The following DMD variants were observed in gnomAD, a reference collection of about 807,000 sequenced individuals.
DMD encodes the protein mutant dystrophin.
A neutral mutation model predicts 330.1 loss-of-function variants in DMD; 63 were observed. That is an observed-to-expected ratio of 0.19 (90% CI 0.16 to 0.24). The LOEUF is 0.24. DMD is among the 10% of genes least tolerant of loss of function. The pLI is 1.00. For missense variants in DMD, 3,344 were observed against 2,684.1 expected (o/e 1.25, Z -5.43); for synonymous variants, 1,223 against 959.8 (o/e 1.27, Z -5.07).
At chrX:32,909,105 T>C (rs187329522) in intron 2 of DMD, among the ~76,000 whole-genome samples, 2 of 102,294 alleles carry the variant, frequency 2.0e-5, no homozygotes, top group Non-Finnish European at 2.0e-5. Context: ...CCAAATAGGA[T>C]ATTGGCCCTT....
chrX:32,023,295 A>C (rs866645089), intron 44 of DMD, among the ~76,000 whole-genome samples: 4 of 110,945 alleles, frequency 3.6e-5, no homozygotes, highest in Non-Finnish European at 7.6e-5. Flanking sequence ...GGTATCTAAG[A>C]CCTGGGGGGT....
intron 62 of DMD, among the ~76,000 whole-genome samples, chrX:31,265,643 A>G (rs2050964405): frequency 9.0e-6 from 1 of 110,554 alleles, no homozygotes; most frequent in Non-Finnish European, 1.9e-5. Context: ...ACGGTGTTCA[A>G]GGGTCAGAGA....
At chrX:32,122,446 C>T (rs1290066645) in intron 44 of DMD, among the ~76,000 whole-genome samples, 1 of 112,050 alleles carries the variant, frequency 8.9e-6, no homozygotes, top group Non-Finnish European at 1.9e-5. Context: ...TCTTCACACA[C>T]AGACACTGAT....
At chrX:33,240,082 C>T (rs1324918638) in intron 1 of DMD, among the ~76,000 whole-genome samples, 3 of 111,032 alleles carry the variant, frequency 2.7e-5, no homozygotes, top group Non-Finnish European at 5.7e-5. Context: ...CACTTCAGGT[C>T]CCAAGCATTT....
chrX:32,512,775 G>A (rs1282768458), intron 18 of DMD, among the ~76,000 whole-genome samples: 1 of 112,079 alleles, frequency 8.9e-6, no homozygotes, highest in South Asian at 3.7e-4. Flanking sequence ...GAGAGACAGC[G>A]CATCACAGGG....
chrX:31,938,664 G>C (rs2094954530), intron 45 of DMD, among the ~76,000 whole-genome samples: 1 of 111,401 alleles, frequency 9.0e-6, no homozygotes, highest in African/African-American at 3.3e-5. Flanking sequence ...GCTGAATCTA[G>C]AGGTAATGTT....
intron 2 of DMD, among the ~76,000 whole-genome samples, chrX:32,992,375 G>A (rs931894422): frequency 7.2e-5 from 8 of 111,641 alleles, no homozygotes; most frequent in Non-Finnish European, 1.3e-4. Context: ...GAGTGGCCCA[G>A]ATTTGCTTGC....
chrX:31,831,647 G>T (rs1359833093), intron 49 of DMD, among the ~76,000 whole-genome samples: 1 of 111,237 alleles, frequency 9.0e-6, no homozygotes, highest in East Asian at 2.8e-4. Context: ...CACCCAGGCT[G>T]GAGTGCAGTG....
At chrX:32,821,448 G>A (rs971472079) in intron 5 of DMD, among the ~76,000 whole-genome samples, 7 of 69,485 alleles carry the variant, frequency 1.0e-4, no homozygotes, top group Non-Finnish European at 1.4e-4. Flanking sequence ...TTAGCCGGGC[G>A]TGGTGGGGGG....
At position 32,452,393 on chromosome X, in the gene DMD, GGGAAGGGAAA is replaced by G. The variant is rs1557364125; in HGVS notation, c.3603+2259_3603+2268del. 0.14 allele frequency among the ~76,000 whole-genome samples: 2,961 copies of G among 21,334 alleles called. 977 individuals carry two copies. The highest frequency in any genetic ancestry group is 0.32 in the East Asian group (152 of 473). The allele number at this position is 21,334 out of a possible 115,157, so 18.5% of individuals were successfully genotyped here. A position where few individuals can be genotyped will look rare whatever the true frequency, so the allele number is the denominator to read the frequency against. Reference sequence around the variant, plus strand: ...AGGGAAAGGGAAAGGGAAAGGGAAAGGGAAGGGAAAGGAAAGGGAAAGGGAAAGGGAAAGG... The same window carrying G: ...AGGGAAAGGGAAAGGGAAAGGGAAAGGGAAAGGGAAAGGGAAAGGGAAAGG... On this transcript the variant is annotated intron_variant, in intron 26 of 78. Transcript: ENST00000357033.
At chrX:33,307,728 C>G (rs2148945132) in intron 1 of DMD, among the ~76,000 whole-genome samples, 1 of 110,832 alleles carries the variant, frequency 9.0e-6, no homozygotes, top group South Asian at 3.9e-4. Flanking sequence ...ATCAGAAAGG[C>G]CCATTGTAAG....
At chrX:32,684,495 T>A in intron 9 of DMD, among the ~76,000 whole-genome samples, 1 of 111,613 alleles carries the variant, frequency 9.0e-6, no homozygotes. Context: ...TCATTTCATT[T>A]ACCAGATTAT....
rs1377930874 is a variant in DMD, at chrX:32,348,441, C to T, written c.5413G>A (p.Val1805Met). Residue 1805 changes from valine to methionine, a missense_variant, in exon 38 of 79, where the codon GTG (valine) becomes ATG (methionine). Val to Met is a conservative substitution (Grantham distance 21, BLOSUM62 1). Transcript: ENST00000357033. Reference protein sequence around the residue: ...EPLEAEIQQGVNLKEEDFNKD... With the variant: ...EPLEAEIQQGMNLKEEDFNKD... ...TTGAAGTCTTCCTCTTTCAGATTCA[C>T]CCCCTGCTGAATTTCAGCCTCCAGT... The T allele has an allele frequency of 8.3e-7, 1 of 1,205,786 alleles. No homozygotes were observed. The highest frequency in any genetic ancestry group is 1.8e-5 in the African/African-American group (1 of 56,930).
intron 62 of DMD, among the ~76,000 whole-genome samples, chrX:31,284,569 C>CTTCTTCTTCTTCTTCTTCT (rs2052929240): frequency 3.2e-5 from 2 of 61,695 alleles, no homozygotes; most frequent in African/African-American, 1.3e-4. Flanking sequence ...TCTTCTTCTT[C>CTTCTTCTTCTTCTTCTTCT]TTCTTCTTCT....
intron 56 of DMD, among the ~76,000 whole-genome samples, chrX:31,501,556 C>T (rs765658072): frequency 2.0e-4 from 22 of 111,655 alleles, no homozygotes; most frequent in African/African-American, 6.8e-4. Flanking sequence ...TTAGGTAAAA[C>T]GCAGAGCCTT....
At chrX:32,400,477 T>C (rs1229849196) in intron 30 of DMD, among the ~76,000 whole-genome samples, 1 of 110,904 alleles carries the variant, frequency 9.0e-6, no homozygotes, top group Non-Finnish European at 1.9e-5. Context: ...CCTCATAAAA[T>C]GAGTTAGGGA....
intron 76 of DMD, among the ~76,000 whole-genome samples, chrX:31,134,840 T>G (rs1246556512): frequency 3.6e-5 from 4 of 112,557 alleles, no homozygotes; most frequent in Non-Finnish European, 5.6e-5. Context: ...ACACATTCTG[T>G]GTATGCAACA....
At chrX:32,889,885 G>A (rs187905900) in intron 2 of DMD, among the ~76,000 whole-genome samples, 40 of 111,299 alleles carry the variant, frequency 3.6e-4, no homozygotes, top group Non-Finnish European at 4.5e-4. Flanking sequence ...TCGGAGGGGC[G>A]TGACAATCAG....
chrX:32,027,876 C>A (rs2095857983), intron 44 of DMD, among the ~76,000 whole-genome samples: 1 of 112,551 alleles, frequency 8.9e-6, no homozygotes, highest in Non-Finnish European at 1.9e-5. Flanking sequence ...ATTTACTGAG[C>A]ACCTGCTATG....
Sources: allele counts gnomAD v4.1 joint callset (sites outside exome capture counted in the v4.1 genomes callset), GRCh38; gene constraint gnomAD v4.1.1; transcripts MANE v1.5; gene names NCBI Gene and HGNC (gene_info 2026-07-23, HGNC 2026-07-21).